SLC44A1: variants seen among roughly 807,000 people sequenced by gnomAD.
SLC44A1 encodes the protein choline transporter-like protein 1.
Under a neutral mutation model 79.3 loss-of-function variants are expected in SLC44A1, and 26 were observed. The ratio of observed to expected loss-of-function variants is 0.33; its 90% CI spans 0.24 to 0.46. The LOEUF is 0.46. Among genes scored for constraint, SLC44A1 ranks in the 20% least tolerant of loss-of-function variants. The pLI is 1.00. For missense variants in SLC44A1, 688 were observed against 798.1 expected (o/e 0.86, Z 1.66); for synonymous variants, 263 against 286.2 (o/e 0.92, Z 0.82).
At chr9:105,404,150 G>A (rs1180584643) in intron 15 of SLC44A1, among the ~76,000 whole-genome samples, 1 of 148,718 alleles carries the variant, frequency 6.7e-6, no homozygotes, top group Non-Finnish European at 1.5e-5. Flanking sequence ...CAGGAGAATC[G>A]CTTGAACCTG....
Position 105,391,110 on chromosome 9 carries a change from A to T in SLC44A1, c.*2054A>T. The T allele has an allele frequency of 1.0e-6, 1 of 985,794 alleles. No individual in the cohort carries two copies. The highest frequency in any genetic ancestry group is 1.2e-6 in the Non-Finnish European group (1 of 829,912). The allele number at this position is 985,794 out of a possible 1,614,324, so 61.1% of individuals were successfully genotyped here. A position where few individuals can be genotyped will look rare whatever the true frequency, so the allele number is the denominator to read the frequency against. ...TAGAAGATGGGTATCAAAACAGAAG[A>T]CATTCCAGGAGCTAGCAATTTTAAG... is the stretch of plus-strand genomic sequence containing the variant. On this transcript the variant is annotated 3_prime_UTR_variant, in exon 16 of 16. Transcript: ENST00000374720.
chr9:105,281,920 A>G (rs1479745517), intron 1 of SLC44A1, among the ~76,000 whole-genome samples: 1 of 152,230 alleles, frequency 6.6e-6, no homozygotes, highest in Non-Finnish European at 1.5e-5. Flanking sequence ...AGGGCAGTAC[A>G]GAAAGAACCA....
intron 7 of SLC44A1, among the ~76,000 whole-genome samples, chr9:105,360,231 A>C (rs1827739548): frequency 6.6e-6 from 1 of 152,106 alleles, no homozygotes; most frequent in South Asian, 2.1e-4. Flanking sequence ...TCTGTCTTTG[A>C]TTCCATTGCT....
At position 105,362,848 on chromosome 9, in the gene SLC44A1, A is replaced by T; in HGVS notation, c.928A>T (p.Met310Leu). ...TVILFLIMLV[M>L]RKRVALTIAL... ...GATCTTATTCCTGATAATGTTGGTT[A>T]TGCGCAAACGTGTTGCTCTTACCAT... The change falls in exon 9 of 16, where the codon ATG becomes TTG. Residue 310 changes from methionine (M) to leucine (L), a missense_variant. Coordinates refer to ENST00000374720, the MANE Select transcript of SLC44A1 (RefSeq NM_080546.5). 6.2e-7 allele frequency: 1 copy of T among 1,608,620 alleles called. No homozygotes were observed. The highest frequency in any genetic ancestry group is 2.2e-5 in the East Asian group (1 of 44,682).
intron 1 of SLC44A1, among the ~76,000 whole-genome samples, chr9:105,245,908 T>C (rs934652589): frequency 6.6e-6 from 1 of 152,218 alleles, no homozygotes. Flanking sequence ...GTTTGTAAAT[T>C]ACCTAATTTA....
intron 2 of SLC44A1, among the ~76,000 whole-genome samples, chr9:105,300,778 A>ATTT (rs11416029): frequency 6.9e-6 from 1 of 144,584 alleles, no homozygotes; most frequent in Non-Finnish European, 1.5e-5. Flanking sequence ...GAGAAAAAAA[A>ATTT]TTTTTTTTTT....
intron 1 of SLC44A1, among the ~76,000 whole-genome samples, chr9:105,272,001 T>C (rs1023398699): frequency 5.9e-5 from 9 of 152,240 alleles, no homozygotes; most frequent in Non-Finnish European, 8.8e-5. Flanking sequence ...GTAGAAATTA[T>C]TTTGTTATGT....
chr9:105,275,965 C>T (rs888679884), intron 1 of SLC44A1, among the ~76,000 whole-genome samples: 10 of 152,010 alleles, frequency 6.6e-5, no homozygotes, highest in Admixed American at 3.9e-4. Flanking sequence ...CCACCATGCC[C>T]GGCTTATTTT....
At chr9:105,404,233 C>CA (rs71489339) in intron 15 of SLC44A1, among the ~76,000 whole-genome samples, 1,827 of 43,304 alleles carry the variant, frequency 0.042, 75 homozygotes, top group African/African-American at 0.079. Context: ...GGACTCATCT[C>CA]AAAAAAAAAA....
chr9:105,279,443 G>A (rs1830296964), intron 1 of SLC44A1, among the ~76,000 whole-genome samples: 2 of 150,712 alleles, frequency 1.3e-5, no homozygotes, highest in African/African-American at 4.9e-5. Flanking sequence ...TCAGCCTCCC[G>A]AGTAGCTGGG....
rs1828859407 is a variant in SLC44A1, at chr9:105,395,556, C to G, written c.*6500C>G. The G allele has an allele frequency of 8.1e-6, 8 of 985,470 alleles. No homozygotes were observed. Among genetic ancestry groups the G allele is most frequent in the Non-Finnish European group, 9.6e-6 (8 of 829,964 alleles). The allele number at this position is 985,470 out of a possible 1,614,324, so 61.0% of individuals were successfully genotyped here. A position where few individuals can be genotyped will look rare whatever the true frequency, so the allele number is the denominator to read the frequency against. On this transcript the variant is annotated 3_prime_UTR_variant, in exon 16 of 16. Transcript: ENST00000374720. ...AATGAACCTTCCACAGTAGTAAATGCAGAGACCACTGGTGGAAATTCCCAT... is the reference window on the plus strand; with the variant it reads ...AATGAACCTTCCACAGTAGTAAATGGAGAGACCACTGGTGGAAATTCCCAT...
At chr9:105,432,529 G>C (rs1056370770) in intron 15 of SLC44A1, among the ~76,000 whole-genome samples, 1 of 152,214 alleles carries the variant, frequency 6.6e-6, no homozygotes, top group African/African-American at 2.4e-5. Flanking sequence ...CCCTGGGCCT[G>C]GAAGCTTCAT....
At chr9:105,357,770 G>A (rs374905391) in intron 6 of SLC44A1, among the ~76,000 whole-genome samples, 4 of 152,234 alleles carry the variant, frequency 2.6e-5, no homozygotes, top group Middle Eastern at 3.4e-3. Flanking sequence ...GAGGAAATTC[G>A]GCCATAGTAG....
rs11361823 is a variant in SLC44A1 at position 105,249,525 on chromosome 9, A to AT, written c.36+4637dup. On this transcript the variant is annotated intron_variant, in intron 1 of 15. Coordinates refer to ENST00000374720, the MANE Select transcript of SLC44A1 (RefSeq NM_080546.5). ...ATTGGAAAATAATGTAGAAATGGTA[A>AT]TTTTTTTTTTTTTTTTGAGCCAGAG... 4.9e-3 allele frequency among the ~76,000 whole-genome samples: 696 copies of AT among 142,232 alleles called. 1 individual carries two copies. Among genetic ancestry groups the AT allele is most frequent in the African/African-American group, 8.0e-3 (308 of 38,406 alleles). 93.3% of individuals were successfully genotyped at this position (142,232 alleles called of 152,430 possible). A position where few individuals can be genotyped will look rare whatever the true frequency, so the allele number is the denominator to read the frequency against.
intron 13 of SLC44A1, among the ~76,000 whole-genome samples, chr9:105,377,786 A>G (rs1828338720): frequency 6.6e-6 from 1 of 152,004 alleles, no homozygotes; most frequent in African/African-American, 2.4e-5. Context: ...GAAGAATATA[A>G]AGATGATAAA....
chr9:105,379,837 G>T (rs1293980756), intron 13 of SLC44A1, among the ~76,000 whole-genome samples: 1 of 152,116 alleles, frequency 6.6e-6, no homozygotes, highest in African/African-American at 2.4e-5. Flanking sequence ...CTTTGCTTCT[G>T]TGTGAAATTA....
chr9:105,385,323 A>G (rs971344898), intron 14 of SLC44A1, 99 bp from the exon 15 acceptor site: 27 of 818,432 alleles, frequency 3.3e-5, no homozygotes, highest in Admixed American at 2.6e-4. Context: ...CCATCCATTT[A>G]CCAAGATTGA....
rs994035850 is a variant in SLC44A1 at position 105,252,803 on chromosome 9, A to G, written c.36+7899A>G. Among the ~76,000 whole-genome samples, 18 of 152,210 alleles carry G rather than the reference A, an allele frequency of 1.2e-4. No individual in the cohort carries two copies. The South Asian group carries it at 1.4e-3, about 12-fold the overall frequency. ...TGGTTAAAGTTTTTGACACAGTAAT[A>G]TTTCCTCCTTTTTGATACTTTTTGT... On this transcript the variant is annotated intron_variant, in intron 1 of 15. Coordinates refer to ENST00000374720, the MANE Select transcript of SLC44A1 (RefSeq NM_080546.5).
Position 105,395,474 on chromosome 9 carries a change from C to T in SLC44A1, c.*6418C>T, listed in dbSNP as rs574407347. ...CCTCAGGTGATCCACCCGCCTCAGC[C>T]TCCCAAAGTGCTGGGATTACAGGCA... On this transcript the variant is annotated 3_prime_UTR_variant, in exon 16 of 16. Coordinates refer to ENST00000374720, the MANE Select transcript of SLC44A1 (RefSeq NM_080546.5). 3 of 863,156 alleles carry T rather than the reference C, an allele frequency of 3.5e-6. No homozygotes were observed. The East Asian group carries it at 3.6e-4, about 105-fold the overall frequency. 53.5% of individuals were successfully genotyped at this position (863,156 alleles called of 1,614,324 possible). A position where few individuals can be genotyped will look rare whatever the true frequency, so the allele number is the denominator to read the frequency against.
Sources: allele counts gnomAD v4.1 joint callset (sites outside exome capture counted in the v4.1 genomes callset), GRCh38; gene constraint gnomAD v4.1.1; transcripts MANE v1.5; gene names NCBI Gene and HGNC (gene_info 2026-07-23, HGNC 2026-07-21).